INPP5A: variants seen among roughly 807,000 people sequenced by gnomAD.
The protein encoded by INPP5A is inositol polyphosphate-5-phosphatase A.
INPP5A carries 14 observed loss-of-function variants against 65.2 expected under a neutral mutation model. The ratio of observed to expected loss-of-function variants is 0.21; its 90% CI spans 0.14 to 0.34. The LOEUF is 0.34. Ranked by LOEUF, INPP5A falls within the 10% of genes least tolerant of loss-of-function variation. The pLI, the probability that INPP5A is intolerant of heterozygous loss-of-function variation, is 1.00. For missense variants in INPP5A, 431 were observed against 545.6 expected (o/e 0.79, Z 2.09); for synonymous variants, 207 against 208.3 (o/e 0.99, Z 0.05).
chr10:132,758,825 G>A (rs921077830), intron 11 of INPP5A, among the ~76,000 whole-genome samples: 10 of 152,200 alleles, frequency 6.6e-5, no homozygotes, highest in Non-Finnish European at 1.3e-4. Flanking sequence ...TGTGGCCCAC[G>A]TGGGGTCTCC....
chr10:132,538,747 C>T lies in INPP5A; in HGVS notation c.75+576C>T, dbSNP rs973886882. ...GTCTCTGGTCCCTGAGCCCTGGACC[C>T]CAAACCCTGAAACATAACCACAAAC... On this transcript the variant is annotated intron_variant, in intron 1 of 15. Transcript: ENST00000368594. This position sits in a 1 kb window ranked among gnomAD's most constrained non-coding sequence, Gnocchi z 4.1. Among the ~76,000 whole-genome samples the T allele has an allele frequency of 6.6e-6, 1 of 152,152 alleles. No individual in the cohort carries two copies. The highest frequency in any genetic ancestry group is 2.4e-5 in the African/African-American group (1 of 41,416).
chr10:132,539,890 T>C (rs1181740781), intron 1 of INPP5A, among the ~76,000 whole-genome samples: 5 of 152,248 alleles, frequency 3.3e-5, no homozygotes, highest in African/African-American at 1.2e-4. Flanking sequence ...GCTGTTTTTC[T>C]GTTTTTCTTA....
At chr10:132,685,336 GC>G (rs2133466404) in intron 4 of INPP5A, among the ~76,000 whole-genome samples, 1 of 152,360 alleles carries the variant, frequency 6.6e-6, no homozygotes, top group Admixed American at 6.5e-5. Flanking sequence ...CGCCCGCGAC[GC>G]GGTTGGAACC....
intron 11 of INPP5A, among the ~76,000 whole-genome samples, chr10:132,761,965 TA>T (rs562347826): frequency 4.0e-5 from 6 of 151,520 alleles, no homozygotes; most frequent in South Asian, 2.1e-4. Context: ...TCCCAACAGA[TA>T]AAAAAAAGTA....
intron 1 of INPP5A, among the ~76,000 whole-genome samples, chr10:132,585,931 G>A (rs2071539673): frequency 6.6e-6 from 1 of 152,232 alleles, no homozygotes; most frequent in Admixed American, 6.5e-5. Flanking sequence ...CACCCTGAGG[G>A]TGCTGTGTGT....
At chr10:132,541,702 A>C (rs1434830904) in intron 1 of INPP5A, among the ~76,000 whole-genome samples, 1 of 152,232 alleles carries the variant, frequency 6.6e-6, no homozygotes, top group Non-Finnish European at 1.5e-5. Context: ...GTTCTTCCCT[A>C]GGAGACAGTG....
intron 11 of INPP5A, among the ~76,000 whole-genome samples, chr10:132,758,941 C>A (rs1225115520): frequency 1.3e-5 from 2 of 152,218 alleles, no homozygotes; most frequent in East Asian, 3.8e-4. Flanking sequence ...GATCGGAAAG[C>A]TGGGTTTTTA....
At chr10:132,568,272 C>T (rs541143213) in intron 1 of INPP5A, among the ~76,000 whole-genome samples, 5 of 151,814 alleles carry the variant, frequency 3.3e-5, no homozygotes, top group South Asian at 2.1e-4. Context: ...GTGGAGGACC[C>T]GGCTAAGGGT....
chr10:132,580,219 C>A (rs1395750295), intron 1 of INPP5A, among the ~76,000 whole-genome samples: 1 of 152,198 alleles, frequency 6.6e-6, no homozygotes, highest in Non-Finnish European at 1.5e-5. Context: ...CCACCCAAAT[C>A]TCACGTCAAA....
intron 1 of INPP5A, among the ~76,000 whole-genome samples, chr10:132,581,559 G>C (rs902747379): frequency 3.9e-5 from 6 of 152,086 alleles, no homozygotes; most frequent in African/African-American, 1.4e-4. Context: ...TGGTGTTCTT[G>C]TTTTTTCAGT....
At position 132,782,241 on chromosome 10, in the gene INPP5A, G is replaced by T. The variant is rs1034745282; in HGVS notation, c.*212G>T. 5.6e-5 allele frequency: 25 copies of T among 448,014 alleles called. No individual in the cohort carries two copies. Among genetic ancestry groups the T allele is most frequent in the Non-Finnish European group, 7.0e-5 (18 of 256,800 alleles). 27.8% of individuals were successfully genotyped at this position (448,014 alleles called of 1,614,324 possible). A position where few individuals can be genotyped will look rare whatever the true frequency, so the allele number is the denominator to read the frequency against. ...TCGTCTGTCTATGTGACATTAAGTA[G>T]AAATATTGGTTTTTTTTTTTTTTTT... On this transcript the variant is annotated 3_prime_UTR_variant, in exon 16 of 16. Transcript: ENST00000368594. This position sits in a 1 kb window ranked among gnomAD's most constrained non-coding sequence, Gnocchi z 4.4.
At chr10:132,557,806 G>A (rs1410894937) in intron 1 of INPP5A, among the ~76,000 whole-genome samples, 1 of 152,106 alleles carries the variant, frequency 6.6e-6, no homozygotes. Context: ...GGGCGGGGAG[G>A]GCCATAGCCT....
chr10:132,688,970 TGA>T (rs1363035984), intron 4 of INPP5A, among the ~76,000 whole-genome samples: 3 of 152,146 alleles, frequency 2.0e-5, no homozygotes, highest in South Asian at 2.1e-4. Context: ...TGTGTGTGCA[TGA>T]GTGTATGTGT....
intron 1 of INPP5A, among the ~76,000 whole-genome samples, chr10:132,591,770 GGGAGCTCAGATCTCCTTTCCC>G (rs36082885): frequency 0.23 from 34,975 of 151,952 alleles, 4,784 homozygotes; most frequent in East Asian, 0.46. Context: ...TGCAGGTGCA[GGGAGCTCAGATCTCCTTTCCC>G]GGAGCTGCGC....
chr10:132,595,178 C>T (rs925250743), intron 1 of INPP5A, among the ~76,000 whole-genome samples: 2 of 152,178 alleles, frequency 1.3e-5, no homozygotes, highest in Non-Finnish European at 2.9e-5. Flanking sequence ...TTTCTGGAGT[C>T]CCCGCGGACC....
At chr10:132,769,288 G>A (rs1009746290) in intron 12 of INPP5A, among the ~76,000 whole-genome samples, 2 of 152,200 alleles carry the variant, frequency 1.3e-5, no homozygotes, top group African/African-American at 2.4e-5. Flanking sequence ...CTAAAAGCAC[G>A]GTTCTTCCTA....
At position 132,538,791 on chromosome 10, in the gene INPP5A, G is replaced by C. The variant is rs983633148; in HGVS notation, c.75+620G>C. Reference sequence around the variant, plus strand: ...CACAAACCCTAACCCAGGAACTTCTGACACAGGGCTGTGGCCCCAACCTCC... The same window carrying C: ...CACAAACCCTAACCCAGGAACTTCTCACACAGGGCTGTGGCCCCAACCTCC... On this transcript the variant is annotated intron_variant, in intron 1 of 15. Transcript: ENST00000368594. The surrounding 1 kb of genome is among the most constrained non-coding windows in gnomAD (Gnocchi z 4.1). Among the ~76,000 whole-genome samples, 4 of 152,078 alleles carry C rather than the reference G, an allele frequency of 2.6e-5. No individual in the cohort carries two copies. Among genetic ancestry groups the C allele is most frequent in the African/African-American group, 9.7e-5 (4 of 41,404 alleles).
chr10:132,608,338 G>T (rs570341279), intron 2 of INPP5A, among the ~76,000 whole-genome samples: 1 of 152,246 alleles, frequency 6.6e-6, no homozygotes, highest in Non-Finnish European at 1.5e-5. Context: ...TCCGTGCAGC[G>T]CACTCTGTGC....
At position 132,678,115 on chromosome 10, in the gene INPP5A, A is replaced by G. The variant is rs1450314045; in HGVS notation, c.307-12277A>G. 6.6e-6 allele frequency among the ~76,000 whole-genome samples: 1 copy of G among 152,128 alleles called. No homozygotes were observed. The highest frequency in any genetic ancestry group is 6.5e-5 in the Admixed American group (1 of 15,278). The stretch of plus-strand genomic sequence containing the variant: ...GTTTGGCCCCAGGAGCTGAAATTGG[A>G]AAGTCAGTGCTTTGTAAATAAGTCA... On this transcript the variant is annotated intron_variant, in intron 4 of 15. Coordinates refer to ENST00000368594, the MANE Select transcript of INPP5A (RefSeq NM_005539.5). This position sits in a 1 kb window ranked among gnomAD's most constrained non-coding sequence, Gnocchi z 4.1.
Sources: allele counts gnomAD v4.1 joint callset (sites outside exome capture counted in the v4.1 genomes callset), GRCh38; gene constraint gnomAD v4.1.1; non-coding constraint Gnocchi (gnomAD v3.1); transcripts MANE v1.5; gene names NCBI Gene and HGNC (gene_info 2026-07-23, HGNC 2026-07-21).